Variants in PRELID2 observed in about 807,000 individuals in gnomAD.
PRELID2 encodes the protein PRELI domain containing 2, also known as PRELI domain-containing protein 2.
Under a neutral mutation model 28.4 loss-of-function variants are expected in PRELID2, and 25 were observed. The ratio of observed to expected loss-of-function variants is 0.88; its 90% confidence interval spans 0.64 to 1.23. PRELID2 has a LOEUF of 1.23. Ranked by LOEUF, PRELID2 falls within the 50% of genes most tolerant of loss-of-function variation. PRELID2 has a pLI of 0.00. For synonymous variants in PRELID2, 76 were observed against 71.6 expected (o/e 1.06, Z -0.31); for missense variants, 201 against 214.4 (o/e 0.94, Z 0.39).
In PRELID2 at chr5:145,715,758, C is replaced by A. The variant is rs185151793; in HGVS notation, n.70+49173G>T. Among the ~76,000 whole-genome samples, 4 of 152,286 alleles carry A rather than the reference C, an allele frequency of 2.6e-5. No individual in the cohort carries two copies. The East Asian group carries it at 7.7e-4, about 29-fold the overall frequency. On this transcript the variant is annotated intron_variant and non_coding_transcript_variant, in intron 1 of 2. Transcript: ENST00000510259. ...CAGAAATGTTTCTCCCTATGAGTGT[C>A]CCATGGATGGCTTCTTCTTGTCATT...
the PRELID2 span, among the ~76,000 whole-genome samples, chr5:145,352,370 C>T: frequency 6.6e-6 from 1 of 152,160 alleles, no homozygotes; most frequent in African/African-American, 2.4e-5. Flanking sequence ...GCCACAAAGG[C>T]TTGGGGCTTG....
At chr5:145,378,711 C>CA in the PRELID2 span, among the ~76,000 whole-genome samples, 1 of 152,118 alleles carries the variant, frequency 6.6e-6, no homozygotes, top group South Asian at 2.1e-4. Context: ...TTTTTAGCTT[C>CA]CTTGGATTGG....
chr5:145,611,947 T>C (rs979171846), intron 1 of PRELID2, among the ~76,000 whole-genome samples: 1 of 152,140 alleles, frequency 6.6e-6, no homozygotes, highest in African/African-American at 2.4e-5. Flanking sequence ...GATACAAACA[T>C]TGACAAATAG....
At chr5:145,623,527 A>C (rs1264878086) in intron 1 of PRELID2, among the ~76,000 whole-genome samples, 1 of 152,140 alleles carries the variant, frequency 6.6e-6, no homozygotes, top group African/African-American at 2.4e-5. Flanking sequence ...ATTGACACAG[A>C]CTTAGACAAA....
At chr5:145,470,735 G>C (rs189474452), downstream of PRELID2, among the ~76,000 whole-genome samples, 15 of 152,166 alleles carry the variant, frequency 9.9e-5, no homozygotes, top group East Asian at 2.9e-3. Flanking sequence ...CAGATAGGGA[G>C]ACAGAAATAC....
the PRELID2 span, among the ~76,000 whole-genome samples, chr5:145,272,913 G>T: frequency 6.6e-6 from 1 of 152,126 alleles, no homozygotes; most frequent in South Asian, 2.1e-4. Flanking sequence ...TGAGGCCTGA[G>T]GGAATCAGCA....
the PRELID2 span, among the ~76,000 whole-genome samples, chr5:145,337,100 C>T: frequency 6.6e-6 from 1 of 150,400 alleles, no homozygotes; most frequent in East Asian, 2.0e-4. Context: ...TACCCTAAAA[C>T]TTGAAGTATA....
intron 1 of PRELID2, among the ~76,000 whole-genome samples, chr5:145,689,705 A>G (rs1755106515): frequency 6.6e-6 from 1 of 152,208 alleles, no homozygotes; most frequent in Non-Finnish European, 1.5e-5. Context: ...AAGGAGATGA[A>G]GCCCACCCAA....
At chr5:145,468,379 G>C (rs1421974440), downstream of PRELID2, among the ~76,000 whole-genome samples, 1 of 152,128 alleles carries the variant, frequency 6.6e-6, no homozygotes, top group African/African-American at 2.4e-5. Context: ...ATAAACATAC[G>C]TGTGCATGTG....
At chr5:145,526,802 G>C (rs765550577) in intron 1 of PRELID2, among the ~76,000 whole-genome samples, 2 of 152,192 alleles carry the variant, frequency 1.3e-5, no homozygotes, top group South Asian at 2.1e-4. Context: ...GTAAAGGCAG[G>C]AGCAGGAAAG....
chr5:145,408,677 G>A, the PRELID2 span, among the ~76,000 whole-genome samples: 1 of 151,736 alleles, frequency 6.6e-6, no homozygotes. Context: ...AAAGAAAAAA[G>A]CAATTGTAAA....
At chr5:145,773,648 C>T (rs1758239160) in intron 5 of PRELID2, among the ~76,000 whole-genome samples, 1 of 152,236 alleles carries the variant, frequency 6.6e-6, no homozygotes. Flanking sequence ...GTTTTAGTGG[C>T]TGGCACCAGA....
intron 1 of PRELID2, among the ~76,000 whole-genome samples, chr5:145,580,037 T>C (rs900901819): frequency 6.6e-6 from 1 of 152,096 alleles, no homozygotes; most frequent in Admixed American, 6.6e-5. Flanking sequence ...TATTCCTCTA[T>C]AGAATTCAAT....
At chr5:145,245,579 A>T in the PRELID2 span, among the ~76,000 whole-genome samples, 19 of 152,232 alleles carry the variant, frequency 1.2e-4, no homozygotes, top group South Asian at 3.1e-3. Flanking sequence ...TAAGAGTGAG[A>T]AAAAGAATGA....
downstream of PRELID2, among the ~76,000 whole-genome samples, chr5:145,468,388 T>C (rs940346717): frequency 6.6e-6 from 1 of 152,218 alleles, no homozygotes; most frequent in Admixed American, 6.5e-5. Context: ...CGTGTGCATG[T>C]GTCTTTATAG....
chr5:145,514,174 T>C (rs927360647), intron 1 of PRELID2, among the ~76,000 whole-genome samples: 10 of 152,144 alleles, frequency 6.6e-5, no homozygotes, highest in Non-Finnish European at 1.5e-4. Flanking sequence ...ATGGGTTAAA[T>C]GCCGCAATTG....
At chr5:145,333,582 T>G in the PRELID2 span, among the ~76,000 whole-genome samples, 1 of 152,142 alleles carries the variant, frequency 6.6e-6, no homozygotes, top group South Asian at 2.1e-4. Flanking sequence ...AGGGGAAAAC[T>G]GCCTACTCAA....
the PRELID2 span, among the ~76,000 whole-genome samples, chr5:145,327,476 C>G: frequency 6.6e-6 from 1 of 151,974 alleles, no homozygotes; most frequent in African/African-American, 2.4e-5. Flanking sequence ...TTTCTTTTTT[C>G]ATCCCTTCAC....
chr5:145,753,636 C>A (rs188918046), downstream of PRELID2, among the ~76,000 whole-genome samples: 531 of 152,158 alleles, frequency 3.5e-3, no homozygotes, highest in African/African-American at 0.012. Context: ...GGAATAACTG[C>A]CCATGGCTTC....
Sources: allele counts gnomAD v4.1 joint callset (sites outside exome capture counted in the v4.1 genomes callset), GRCh38; gene constraint gnomAD v4.1.1; transcripts MANE v1.5; gene names NCBI Gene and HGNC (gene_info 2026-07-23, HGNC 2026-07-21).